SPACA7: variants seen among roughly 807,000 people sequenced by gnomAD.
SPACA7 encodes the protein sperm acrosome associated 7.
A neutral mutation model predicts 26.3 loss-of-function variants in SPACA7; 19 were observed. That is an observed-to-expected ratio of 0.72 (90% CI 0.50 to 1.06). The LOEUF (loss-of-function observed/expected upper bound fraction) is 1.06. SPACA7 is among the 50% of genes least tolerant of loss of function. The pLI, the probability that SPACA7 is intolerant of heterozygous loss-of-function variation, is 0.00. For missense variants in SPACA7, 211 were observed against 229.9 expected, an observed-to-expected ratio of 0.92 and a Z score of 0.53; for synonymous variants, 84 against 84.5, an observed-to-expected ratio of 0.99 and a Z score of 0.04.
intron 4 of SPACA7, among the ~76,000 whole-genome samples, chr13:112,400,241 C>T (rs1270500363): frequency 6.6e-6 from 1 of 152,150 alleles, no homozygotes; most frequent in Non-Finnish European, 1.5e-5. Context: ...AAGAGTCCCC[C>T]CAATAAGACA....
chr13:112,377,871 G>A (rs576355802), intron 1 of SPACA7, among the ~76,000 whole-genome samples: 8 of 152,278 alleles, frequency 5.3e-5, no homozygotes, highest in Non-Finnish European at 7.4e-5. Context: ...GAATGTCTAC[G>A]AAAAAGAGAA....
intron 1 of SPACA7, among the ~76,000 whole-genome samples, chr13:112,383,108 AAGAAAAGAAAAGAAAAG>A (rs1321764240): frequency 1.9e-4 from 3 of 16,092 alleles, no homozygotes; most frequent in Non-Finnish European, 3.3e-4. Flanking sequence ...GAAGAAAGAA[AAGAAAAGAAAAGAAAAG>A]AAAGAAAGAA....
intron 1 of SPACA7, among the ~76,000 whole-genome samples, chr13:112,384,261 A>G (rs1282796231): frequency 6.6e-6 from 1 of 152,160 alleles, no homozygotes; most frequent in Admixed American, 6.5e-5. Context: ...TATAGCCACT[A>G]TTAAAGACAC....
At chr13:112,426,837 C>A (rs60712647) in intron 5 of SPACA7, among the ~76,000 whole-genome samples, 17,446 of 152,144 alleles carry the variant, frequency 0.11, 1,317 homozygotes, top group East Asian at 0.31. Flanking sequence ...ACCTGGGAAT[C>A]GTTTGTTCTT....
chr13:112,434,517 A>G lies in SPACA7; in HGVS notation c.556A>G (p.Ser186Gly), dbSNP rs750154390. 4.3e-6 allele frequency: 7 copies of G among 1,610,720 alleles called. No homozygotes were observed. In the South Asian group the frequency reaches 5.5e-5, roughly 13 times the overall value. ...NIFHKEQQRT[S>G]AQRRSQGSQ ...TTTCCATAAAGAGCAGCAGAGGACC[A>G]GCGCACAGAGGAGGAGCCAAGGCAG... The change falls in exon 7 of 7, where the codon AGC (serine) becomes GGC (glycine). Residue 186 changes from serine (S) to glycine (G), a missense_variant. By Grantham distance (56) the Ser-to-Gly change is moderately conservative (BLOSUM62 0). Transcript: ENST00000283550.
At chr13:112,424,962 A>G (rs1876386742) in intron 5 of SPACA7, among the ~76,000 whole-genome samples, 2 of 152,228 alleles carry the variant, frequency 1.3e-5, no homozygotes, top group African/African-American at 4.8e-5. Context: ...TGTTGAATGA[A>G]TGAATGAATG....
chr13:112,384,351 T>C (rs1178746786), intron 1 of SPACA7, among the ~76,000 whole-genome samples: 1 of 152,026 alleles, frequency 6.6e-6, no homozygotes, highest in African/African-American at 2.4e-5. Context: ...TAACATATAC[T>C]AAGTTATATT....
intron 2 of SPACA7, among the ~76,000 whole-genome samples, chr13:112,395,530 G>A (rs1229263545): frequency 6.6e-6 from 1 of 152,076 alleles, no homozygotes; most frequent in Non-Finnish European, 1.5e-5. Context: ...AAGTGCAGTG[G>A]CGAGATCTCA....
At chr13:112,393,537 ACTACAGACC>A (rs1348114356) in intron 2 of SPACA7, among the ~76,000 whole-genome samples, 2 of 151,390 alleles carry the variant, frequency 1.3e-5, no homozygotes, top group East Asian at 2.0e-4. Context: ...GATGGTGGAA[ACTACAGACC>A]CCCTGGCCTC....
At chr13:112,423,133 C>T (rs1331850611) in intron 5 of SPACA7, among the ~76,000 whole-genome samples, 2 of 151,956 alleles carry the variant, frequency 1.3e-5, no homozygotes, top group Non-Finnish European at 1.5e-5. Flanking sequence ...TATACTCAAG[C>T]GATTCAAAAA....
In SPACA7 at chr13:112,408,168, G is replaced by C. The variant is rs1456442852; in HGVS notation, c.445+7004G>C. On this transcript the variant is annotated intron_variant, in intron 5 of 6. Coordinates refer to ENST00000283550, the MANE Select transcript of SPACA7 (RefSeq NM_145248.5). ...AAAAGGCCTTCAACAAAATTCAACA[G>C]CCTTTCATGCTAAAAACTCTCAATA... is the stretch of plus-strand genomic sequence containing the variant. 2.0e-5 allele frequency among the ~76,000 whole-genome samples: 3 copies of C among 152,180 alleles called. No individual in the cohort carries two copies. The East Asian group carries it at 5.8e-4, about 29-fold the overall frequency.
intron 2 of SPACA7, among the ~76,000 whole-genome samples, chr13:112,395,579 T>C (rs182821261): frequency 4.6e-5 from 7 of 152,334 alleles, no homozygotes; most frequent in Admixed American, 6.5e-5. Flanking sequence ...CAAGCGATTC[T>C]CCTGCCTCAG....
chr13:112,378,876 G>C (rs1337179650), intron 1 of SPACA7: 1 of 362,536 alleles, frequency 2.8e-6, no homozygotes, highest in African/African-American at 2.1e-5. Flanking sequence ...CCTGTTGCAA[G>C]GAGAATCAAT....
intron 1 of SPACA7, among the ~76,000 whole-genome samples, chr13:112,380,383 C>G (rs1009228292): frequency 1.1e-4 from 10 of 91,974 alleles, no homozygotes; most frequent in Non-Finnish European, 1.4e-4. Context: ...CCAGCCTAGG[C>G]AACAAGAGCA....
intron 5 of SPACA7, among the ~76,000 whole-genome samples, chr13:112,427,877 G>A (rs1003307240): frequency 6.6e-6 from 1 of 152,074 alleles, no homozygotes; most frequent in Non-Finnish European, 1.5e-5. Flanking sequence ...AGTGTCTGCA[G>A]GAACTGTAGT....
rs1404943085 is a variant in SPACA7 at position 112,434,384 on chromosome 13, G to T, written c.524-101G>T. The T allele has an allele frequency of 5.1e-6, 5 of 973,318 alleles. No homozygotes were observed. In the African/African-American group the frequency reaches 8.1e-5, roughly 16 times the overall value. The allele number at this position is 973,318 out of a possible 1,614,324, so 60.3% of individuals were successfully genotyped here. A position where few individuals can be genotyped will look rare whatever the true frequency, so the allele number is the denominator to read the frequency against. On this transcript the variant is annotated intron_variant, in intron 6 of 6. Transcript: ENST00000283550. The stretch of plus-strand genomic sequence containing the variant: ...CTCTCCCCTCCCTCCACAACTGAGG[G>T]CTTGGTTCCTCCTGTCCCCTGGTGT...
intron 1 of SPACA7, among the ~76,000 whole-genome samples, chr13:112,379,537 G>A (rs1187818926): frequency 1.3e-5 from 2 of 152,086 alleles, no homozygotes; most frequent in African/African-American, 4.8e-5. Flanking sequence ...TTTATACCAG[G>A]ACATATCATG....
chr13:112,420,511 A>G (rs1048493640), intron 5 of SPACA7, among the ~76,000 whole-genome samples: 1 of 138,630 alleles, frequency 7.2e-6, no homozygotes, highest in African/African-American at 2.8e-5. Flanking sequence ...GGTCAATAGA[A>G]ATAAAAACTG....
intron 2 of SPACA7, among the ~76,000 whole-genome samples, chr13:112,397,783 C>A (rs1446740418): frequency 1.3e-4 from 20 of 152,200 alleles, no homozygotes; most frequent in Non-Finnish European, 1.5e-5. Flanking sequence ...AAGCGTCCAG[C>A]CTTGTACCTT....
Sources: gnomAD v4.1 joint callset for allele counts (sites outside exome capture counted in the v4.1 genomes callset) on GRCh38, gnomAD v4.1.1 for gene constraint, MANE v1.5 for transcripts, NCBI Gene and HGNC (gene_info 2026-07-23, HGNC 2026-07-21) for gene names.